MAP3K4: variants seen among roughly 807,000 people sequenced by gnomAD.
MAP3K4 encodes the protein MAP three kinase 1.
MAP3K4 carries 67 observed loss-of-function variants against 185.6 expected under a neutral mutation model. The observed-to-expected ratio is 0.36, with a 90% confidence interval of 0.30 to 0.44. The LOEUF (loss-of-function observed/expected upper bound fraction) is 0.44. MAP3K4 is among the 20% of genes least tolerant of loss of function. The pLI, the probability that MAP3K4 is intolerant of heterozygous loss-of-function variation, is 1.00. For synonymous variants in MAP3K4, 702 were observed against 710.4 expected (o/e 0.99, Z 0.19); for missense variants, 1,551 against 1,995.1 (o/e 0.78, Z 4.24).
Position 161,103,107 on chromosome 6 carries a change from T to C in MAP3K4, c.3856+328T>C, listed in dbSNP as rs1382987223. 6.6e-6 allele frequency among the ~76,000 whole-genome samples: 1 copy of C among 152,180 alleles called. No homozygotes were observed. The highest frequency in any genetic ancestry group is 2.4e-5 in the African/African-American group (1 of 41,432). ...GAAATAACCATTCATAAATTAGACA[T>C]TGAGGGAAAGAACTTACGAAGCATG... On this transcript the variant is annotated intron_variant, in intron 19 of 26. Transcript: ENST00000392142. This position sits in a 1 kb window ranked among gnomAD's most constrained non-coding sequence, Gnocchi z 4.6.
chr6:161,115,796 TG>T lies in MAP3K4; in HGVS notation c.4806+496del, dbSNP rs1166953993. On this transcript the variant is annotated intron_variant, in intron 26 of 26. Transcript: ENST00000392142. The surrounding 1 kb of genome is among the most constrained non-coding windows in gnomAD (Gnocchi z 6.0). ...GCATGGAAGACAAAGTAAAGAAACTTGGAAACGCTCACCCTTCCGGGAGAGT... is the reference window on the plus strand; with the variant it reads ...GCATGGAAGACAAAGTAAAGAAACTTGAAACGCTCACCCTTCCGGGAGAGT... 1.3e-5 allele frequency among the ~76,000 whole-genome samples: 2 copies of T among 152,068 alleles called. No homozygotes were observed. Among genetic ancestry groups the T allele is most frequent in the African/African-American group, 4.8e-5 (2 of 41,402 alleles).
chr6:161,033,312 T>C (rs958224926), intron 1 of MAP3K4, among the ~76,000 whole-genome samples: 2 of 152,212 alleles, frequency 1.3e-5, no homozygotes, highest in African/African-American at 4.8e-5. Context: ...TCATGATTGA[T>C]TCCTTCTGTT....
rs937823887 is a variant in MAP3K4 at position 161,091,311 on chromosome 6, C to T, written c.2974-68C>T. ...TCTGTGTGATGATGAACGAAATCTT[C>T]CTTTAAAATGTGGTAAGTATTGTAT... On this transcript the variant is annotated intron_variant, in intron 11 of 26. Transcript: ENST00000392142. The surrounding 1 kb of genome is among the most constrained non-coding windows in gnomAD (Gnocchi z 5.5). 25 of 1,328,458 alleles carry T rather than the reference C, an allele frequency of 1.9e-5. No homozygotes were observed. The highest frequency in any genetic ancestry group is 2.4e-5 in the Non-Finnish European group (23 of 973,990). The allele number at this position is 1,328,458 out of a possible 1,614,324, so 82.3% of individuals were successfully genotyped here.
chr6:161,024,536 G>GT (rs1246446805), intron 1 of MAP3K4, among the ~76,000 whole-genome samples: 1 of 152,148 alleles, frequency 6.6e-6, no homozygotes, highest in Non-Finnish European at 1.5e-5. Context: ...GCTGTTAACA[G>GT]TTTCTCACAC....
Position 161,109,721 on chromosome 6 carries a change from G to A in MAP3K4, c.4237-34G>A, listed in dbSNP as rs775797317. On this transcript the variant is annotated intron_variant, in intron 22 of 26. Coordinates refer to ENST00000392142, the MANE Select transcript of MAP3K4 (RefSeq NM_005922.4). This position sits in a 1 kb window ranked among gnomAD's most constrained non-coding sequence, Gnocchi z 5.7. Reference sequence around the variant, plus strand: ...CACTAGCGTACATCTAAGGAAAACCGTAAACACAGAGCTGCCCTTTATTCC... The same window carrying A: ...CACTAGCGTACATCTAAGGAAAACCATAAACACAGAGCTGCCCTTTATTCC... The A allele has an allele frequency of 8.1e-6, 13 of 1,612,802 alleles. No homozygotes were observed. Among genetic ancestry groups the A allele is most frequent in the Admixed American group, 5.0e-5 (3 of 59,978 alleles).
In MAP3K4 at chr6:161,108,821, C is replaced by T. The variant is rs758762308; in HGVS notation, c.4198C>T (p.Pro1400Ser). The T allele has an allele frequency of 6.2e-7, 1 of 1,614,002 alleles. No homozygotes were observed. The highest frequency in any genetic ancestry group is 8.5e-7 in the Non-Finnish European group (1 of 1,179,940). The change falls in exon 22 of 27, where the codon CCC becomes TCC. Residue 1400 changes from proline to serine, a missense_variant. By Grantham distance (74) the Pro-to-Ser change is moderately conservative (BLOSUM62 -1). Around this residue, in one of 16 missense-constraint regions of MAP3K4, gnomAD observed 159 missense variants for 300.5 expected, o/e 0.53. Coordinates refer to ENST00000392142, the MANE Select transcript of MAP3K4 (RefSeq NM_005922.4). This position sits in a 1 kb window ranked among gnomAD's most constrained non-coding sequence, Gnocchi z 5.7. ...ELKIFEGIKHPNLVRYFGVEL... is the reference protein window; with the variant it reads ...ELKIFEGIKHSNLVRYFGVEL... ...GAAAATATTCGAAGGCATCAAACAC[C>T]CCAATCTGGTTCGGTATTTTGGTGT...
In MAP3K4 at chr6:161,103,509, A is replaced by G. The variant is rs1464870261; in HGVS notation, c.3856+730A>G. 6.6e-6 allele frequency among the ~76,000 whole-genome samples: 1 copy of G among 152,164 alleles called. No homozygotes were observed. Among genetic ancestry groups the G allele is most frequent in the Non-Finnish European group, 1.5e-5 (1 of 68,030 alleles). The stretch of plus-strand genomic sequence containing the variant: ...TCTGCAGCAAGCCAGGAGGCAAGGA[A>G]TAGAAGGAAGTGTGCACCCAGAGGC... On this transcript the variant is annotated intron_variant, in intron 19 of 26. Transcript: ENST00000392142. This position sits in a 1 kb window ranked among gnomAD's most constrained non-coding sequence, Gnocchi z 4.6.
In MAP3K4 at chr6:161,093,945, G is replaced by A. The variant is rs1004499721; in HGVS notation, c.3427+94G>A. 11 of 945,618 alleles carry A rather than the reference G, an allele frequency of 1.2e-5. No homozygotes were observed. Among genetic ancestry groups the A allele is most frequent in the Non-Finnish European group, 1.8e-5 (11 of 599,994 alleles). 58.6% of individuals were successfully genotyped at this position (945,618 alleles called of 1,614,324 possible). A position where few individuals can be genotyped will look rare whatever the true frequency, so the allele number is the denominator to read the frequency against. ...GCAGTCGTTTAAAATGGTATAAGAG[G>A]TGTTTTAACAGTATTCAGGAAAACG... On this transcript the variant is annotated intron_variant, in intron 15 of 26. Transcript: ENST00000392142. This position sits in a 1 kb window ranked among gnomAD's most constrained non-coding sequence, Gnocchi z 5.2.
Position 161,106,502 on chromosome 6 carries a change from TTC to T in MAP3K4, c.3857-6_3857-5del. On this transcript the variant is annotated splice_polypyrimidine_tract_variant and intron_variant, in intron 19 of 26. Coordinates refer to ENST00000392142, the MANE Select transcript of MAP3K4 (RefSeq NM_005922.4). The surrounding 1 kb of genome is among the most constrained non-coding windows in gnomAD (Gnocchi z 4.9). ...GTGATTGGGACTAATGAGGTTTTGG[TTC>T]TCTCTGCAGATACTGCTTCTAAACT... The T allele has an allele frequency of 1.3e-6, 2 of 1,588,564 alleles. No individual in the cohort carries two copies. Among genetic ancestry groups the T allele is most frequent in the Non-Finnish European group, 1.7e-6 (2 of 1,169,006 alleles).
chr6:161,084,685 TAGAAGG>T lies in MAP3K4; in HGVS notation c.2372+71_2372+76del. 1 of 948,840 alleles carries T rather than the reference TAGAAGG, an allele frequency of 1.1e-6. No individual in the cohort carries two copies. The highest frequency in any genetic ancestry group is 1.4e-5 in the South Asian group (1 of 72,218). 58.8% of individuals were successfully genotyped at this position (948,840 alleles called of 1,614,324 possible). A position where few individuals can be genotyped will look rare whatever the true frequency, so the allele number is the denominator to read the frequency against. The stretch of plus-strand genomic sequence containing the variant: ...AGTTTCCTTCCTCATGGTGAGATCC[TAGAAGG>T]AGCCTTGTTCAAACCAAATTGTGTT... On this transcript the variant is annotated intron_variant, in intron 7 of 26. Coordinates refer to ENST00000392142, the MANE Select transcript of MAP3K4 (RefSeq NM_005922.4). The surrounding 1 kb of genome is among the most constrained non-coding windows in gnomAD (Gnocchi z 4.6).
rs145720382 is a variant in MAP3K4 at position 161,074,400 on chromosome 6, A to G, written c.2097+788A>G. ...TTAGAAATGCCCCCTCCTCCACTTT[A>G]TCTGCCTATTTAAGGCTTACTTTCA... is the stretch of plus-strand genomic sequence containing the variant. On this transcript the variant is annotated intron_variant, in intron 5 of 26. Coordinates refer to ENST00000392142, the MANE Select transcript of MAP3K4 (RefSeq NM_005922.4). The surrounding 1 kb of genome is among the most constrained non-coding windows in gnomAD (Gnocchi z 5.0). Among the ~76,000 whole-genome samples the G allele has an allele frequency of 4.0e-3, 611 of 152,252 alleles. 5 individuals carry two copies. Among genetic ancestry groups the G allele is most frequent in the African/African-American group, 0.014 (585 of 41,536 alleles).
chr6:161,009,310 T>A (rs961687702), intron 1 of MAP3K4, among the ~76,000 whole-genome samples: 4 of 152,148 alleles, frequency 2.6e-5, no homozygotes, highest in African/African-American at 9.7e-5. Flanking sequence ...TACAGTTCAG[T>A]AGCGTTGTTA....
rs983683539 is a variant in MAP3K4 at position 161,071,277 on chromosome 6, A to G, written c.1950+427A>G. The stretch of plus-strand genomic sequence containing the variant: ...GTGGTATGGTTTAAACAGTAGTGAC[A>G]GCTTATGATTTCTTCGTTGTTGTTC... On this transcript the variant is annotated intron_variant, in intron 4 of 26. Coordinates refer to ENST00000392142, the MANE Select transcript of MAP3K4 (RefSeq NM_005922.4). This position sits in a 1 kb window ranked among gnomAD's most constrained non-coding sequence, Gnocchi z 4.6. Among the ~76,000 whole-genome samples, 4 of 152,130 alleles carry G rather than the reference A, an allele frequency of 2.6e-5. No homozygotes were observed. The highest frequency in any genetic ancestry group is 2.6e-4 in the Admixed American group (4 of 15,270).
chr6:161,042,167 A>C lies in MAP3K4; in HGVS notation c.344-6449A>C, dbSNP rs151017033. Among the ~76,000 whole-genome samples the C allele has an allele frequency of 4.8e-3, 727 of 152,242 alleles. 10 individuals are homozygous for C. The highest frequency in any genetic ancestry group is 0.017 in the African/African-American group (693 of 41,534). The stretch of plus-strand genomic sequence containing the variant: ...GGCTAAGGACTTGAATTATATCTAC[A>C]CAGTCCCTTCTTAGCAGCAGGATGT... On this transcript the variant is annotated intron_variant, in intron 2 of 26. Transcript: ENST00000392142.
At position 161,063,959 on chromosome 6, in the gene MAP3K4, G is replaced by C. The variant is rs2114798337; in HGVS notation, c.1708-6649G>C. Among the ~76,000 whole-genome samples, 1 of 152,170 alleles carries C rather than the reference G, an allele frequency of 6.6e-6. No individual in the cohort carries two copies. Among genetic ancestry groups the C allele is most frequent in the East Asian group, 1.9e-4 (1 of 5,174 alleles). The stretch of plus-strand genomic sequence containing the variant: ...GTTTTCCCACCACCTCTTCTCTTTG[G>C]GGAGTCATGACCACCCCTTTTCATC... On this transcript the variant is annotated intron_variant, in intron 3 of 26. Transcript: ENST00000392142. This position sits in a 1 kb window ranked among gnomAD's most constrained non-coding sequence, Gnocchi z 5.4.
At chr6:161,068,472 G>A (rs1288894018) in intron 3 of MAP3K4, among the ~76,000 whole-genome samples, 1 of 152,184 alleles carries the variant, frequency 6.6e-6, no homozygotes, top group Non-Finnish European at 1.5e-5. Flanking sequence ...GGTGGCAGGA[G>A]ATAAGGATCA....
intron 3 of MAP3K4, among the ~76,000 whole-genome samples, chr6:161,058,326 G>T (rs949448078): frequency 1.3e-5 from 2 of 152,144 alleles, no homozygotes; most frequent in African/African-American, 2.4e-5. Context: ...ATTCCCACAT[G>T]ACCAGCAGCA....
chr6:161,058,761 T>G lies in MAP3K4; in HGVS notation c.1707+8782T>G, dbSNP rs997858555. ...TACTTTGGATCTGTCCTTGTAGATA[T>G]ATATATATATATATAGCTCTCGTTG... On this transcript the variant is annotated intron_variant, in intron 3 of 26. Transcript: ENST00000392142. Among the ~76,000 whole-genome samples the G allele has an allele frequency of 5.3e-5, 8 of 151,878 alleles. No homozygotes were observed. In the South Asian group the frequency reaches 6.2e-4, roughly 12 times the overall value.
At position 161,051,894 on chromosome 6, in the gene MAP3K4, C is replaced by T. The variant is rs976786043; in HGVS notation, c.1707+1915C>T. Among the ~76,000 whole-genome samples the T allele has an allele frequency of 6.6e-6, 1 of 152,086 alleles. No individual in the cohort carries two copies. Among genetic ancestry groups the T allele is most frequent in the Non-Finnish European group, 1.5e-5 (1 of 67,998 alleles). On this transcript the variant is annotated intron_variant, in intron 3 of 26. Transcript: ENST00000392142. This position sits in a 1 kb window ranked among gnomAD's most constrained non-coding sequence, Gnocchi z 4.2. ...TAGAGACAAGATCTCACTACGTTGC[C>T]CAGGCTGGACTCAAACTCGTGGGCT... is the stretch of plus-strand genomic sequence containing the variant.
Sources: gnomAD v4.1 joint callset for allele counts (sites outside exome capture counted in the v4.1 genomes callset) on GRCh38, gnomAD v4.1.1 for gene constraint, gnomAD v4.1.1 regional missense constraint, Gnocchi (gnomAD v3.1) non-coding constraint, MANE v1.5 for transcripts, NCBI Gene and HGNC (gene_info 2026-07-23, HGNC 2026-07-21) for gene names.